ZBTB40: variants seen among roughly 807,000 people sequenced by gnomAD.
ZBTB40 encodes the protein zinc finger and BTB domain-containing protein 40.
Under a neutral mutation model 117.5 loss-of-function variants are expected in ZBTB40, and 60 were observed. The ratio of observed to expected loss-of-function variants is 0.51; its 90% CI spans 0.41 to 0.63. ZBTB40 has a LOEUF of 0.63. ZBTB40 is among the 30% of genes least tolerant of loss of function. The pLI is 0.00. For missense variants in ZBTB40, 1,287 were observed against 1,498.5 expected (o/e 0.86, Z 2.33); for synonymous variants, 525 against 577.1 (o/e 0.91, Z 1.29).
chr1:22,431,178 T>C (rs1029464344), intron 1 of ZBTB40, among the ~76,000 whole-genome samples: 2 of 125,292 alleles, frequency 1.6e-5, no homozygotes, highest in Non-Finnish European at 3.2e-5. Context: ...TTTCAGTAGA[T>C]TGTAAAGTCT....
Position 22,491,525 on chromosome 1 carries a change from CAGA to C in ZBTB40, c.826_828del (p.Lys276del), listed in dbSNP as rs760717341. ...AATGTGTTCAGAAATTAAAGGTCCA[CAGA>C]AGGAGGTAGGCACCTCTGACTTTTG... On this transcript the variant is annotated inframe_deletion, in exon 3 of 18. Coordinates refer to ENST00000375647, the MANE Select transcript of ZBTB40 (RefSeq NM_014870.4). 51 of 1,613,898 alleles carry C rather than the reference CAGA, an allele frequency of 3.2e-5. No individual in the cohort carries two copies. The highest frequency in any genetic ancestry group is 4.2e-5 in the Non-Finnish European group (50 of 1,179,906).
At chr1:22,453,254 C>G (rs1427385627) in intron 1 of ZBTB40, among the ~76,000 whole-genome samples, 1 of 152,178 alleles carries the variant, frequency 6.6e-6, no homozygotes, top group Non-Finnish European at 1.5e-5. Context: ...CTAATATAAA[C>G]ACTTTTCTTC....
chr1:22,492,385 C>G (rs191024594), intron 3 of ZBTB40, among the ~76,000 whole-genome samples: 4 of 152,300 alleles, frequency 2.6e-5, no homozygotes, highest in African/African-American at 9.6e-5. Context: ...CCTGTGTGAT[C>G]TCTCAATACT....
intron 1 of ZBTB40, among the ~76,000 whole-genome samples, chr1:22,432,555 T>C (rs936734676): frequency 6.6e-6 from 1 of 152,254 alleles, no homozygotes; most frequent in Non-Finnish European, 1.5e-5. Flanking sequence ...AAGTGTTTCA[T>C]AGCCATACAG....
rs899171077 is a variant in ZBTB40, at chr1:22,509,216, G to T, written c.1816G>T (p.Ala606Ser). The T allele has an allele frequency of 1.9e-6, 3 of 1,614,158 alleles. No homozygotes were observed. The East Asian group carries it at 6.7e-5, about 36-fold the overall frequency. ...CTTTACCTCGGAGGAGGAGCACCTG[G>T]CAGAGACTGTGAAAGAGGTGTGGTG... ...KLFTSEEEHL[A>S]ETVKEILSIP... The change falls in exon 9 of 18, where the codon GCA becomes TCA. Residue 606 changes from alanine (A) to serine (S), a missense_variant. Ala to Ser is a moderately conservative substitution (Grantham distance 99). This residue lies in a region of ZBTB40 where 870 missense variants were observed against 934.4 expected (regional missense o/e 0.93). Transcript: ENST00000375647.
At chr1:22,478,190 A>T (rs563033154) in intron 1 of ZBTB40, among the ~76,000 whole-genome samples, 1 of 152,296 alleles carries the variant, frequency 6.6e-6, no homozygotes, top group African/African-American at 2.4e-5. Flanking sequence ...CCACACTGCC[A>T]CATACTAGCC....
chr1:22,491,548 C>A lies in ZBTB40; in HGVS notation c.831+15C>A. ...CACAGAAGGAGGTAGGCACCTCTGA[C>A]TTTTGTACTTGTTTGCTAGTTTAGT... On this transcript the variant is annotated intron_variant, in intron 3 of 17. Transcript: ENST00000375647. The A allele has an allele frequency of 6.2e-7, 1 of 1,613,046 alleles. No homozygotes were observed. Among genetic ancestry groups the A allele is most frequent in the Non-Finnish European group, 8.5e-7 (1 of 1,179,380 alleles).
chr1:22,503,527 TA>T (rs1308183202), intron 5 of ZBTB40, among the ~76,000 whole-genome samples: 1 of 151,762 alleles, frequency 6.6e-6, no homozygotes. Flanking sequence ...GCCACTGATA[TA>T]ATGGCTAAGC....
At chr1:22,436,708 G>A (rs546309152) in intron 1 of ZBTB40, among the ~76,000 whole-genome samples, 10 of 151,916 alleles carry the variant, frequency 6.6e-5, no homozygotes, top group African/African-American at 1.5e-4. Context: ...CCTCAACTAC[G>A]TTATGCTGAG....
chr1:22,509,083 A>G lies in ZBTB40; in HGVS notation c.1700-17A>G. On this transcript the variant is annotated splice_polypyrimidine_tract_variant and intron_variant, in intron 8 of 17. Coordinates refer to ENST00000375647, the MANE Select transcript of ZBTB40 (RefSeq NM_014870.4). ...TCATTGTTTGCCTAATGAGTTTTTGATCCCCCTTTTTTTCAGTGACCACCC... is the reference window on the plus strand; with the variant it reads ...TCATTGTTTGCCTAATGAGTTTTTGGTCCCCCTTTTTTTCAGTGACCACCC... 2 of 1,614,002 alleles carry G rather than the reference A, an allele frequency of 1.2e-6. No homozygotes were observed. The highest frequency in any genetic ancestry group is 1.7e-6 in the Non-Finnish European group (2 of 1,179,996).
intron 5 of ZBTB40, 39 bp from the exon 6 acceptor site, chr1:22,506,010 G>A: frequency 6.2e-7 from 1 of 1,610,582 alleles, no homozygotes; most frequent in Non-Finnish European, 8.5e-7. Flanking sequence ...ATGTTGAATT[G>A]CCAGTAACTG....
intron 1 of ZBTB40, among the ~76,000 whole-genome samples, chr1:22,457,197 G>A (rs1363817284): frequency 6.6e-6 from 1 of 152,100 alleles, no homozygotes; most frequent in Non-Finnish European, 1.5e-5. Flanking sequence ...AAGAAAGAAA[G>A]GCTGTTTCCC....
In ZBTB40 at chr1:22,513,190, A is replaced by G; in HGVS notation, c.2668+60A>G. 1 of 1,564,250 alleles carries G rather than the reference A, an allele frequency of 6.4e-7. No homozygotes were observed. The highest frequency in any genetic ancestry group is 8.7e-7 in the Non-Finnish European group (1 of 1,149,342). ...TTTCACTGCGAACTGCCTAAACCCC[A>G]TTTGGATTAGGTGTGATATATATCT... On this transcript the variant is annotated intron_variant, in intron 12 of 17. Transcript: ENST00000375647. This position sits in a 1 kb window ranked among gnomAD's most constrained non-coding sequence, Gnocchi z 4.9.
chr1:22,502,447 T>A lies in ZBTB40; in HGVS notation c.1167+6T>A. 1 of 1,613,970 alleles carries A rather than the reference T, an allele frequency of 6.2e-7. No individual in the cohort carries two copies. Among genetic ancestry groups the A allele is most frequent in the Non-Finnish European group, 8.5e-7 (1 of 1,179,894 alleles). On this transcript the variant is annotated splice_donor_region_variant and intron_variant, in intron 5 of 17. Coordinates refer to ENST00000375647, the MANE Select transcript of ZBTB40 (RefSeq NM_014870.4). ...TGACTGGCACTGAAAAAAGGGTAAC[T>A]GTGTCAAGTGTCTCCTCCCTCCTCC... is the stretch of plus-strand genomic sequence containing the variant.
intron 12 of ZBTB40, among the ~76,000 whole-genome samples, chr1:22,515,447 A>C (rs1639349567): frequency 6.6e-6 from 1 of 152,234 alleles, no homozygotes; most frequent in Admixed American, 6.5e-5. Flanking sequence ...GGAGGATAGC[A>C]ATCCAAGATG....
At chr1:22,498,482 A>G (rs1259718650) in intron 3 of ZBTB40, among the ~76,000 whole-genome samples, 1 of 152,098 alleles carries the variant, frequency 6.6e-6, no homozygotes, top group Non-Finnish European at 1.5e-5. Context: ...GTTCTGAAAG[A>G]AAGAGCAGAG....
chr1:22,512,956 G>A lies in ZBTB40; in HGVS notation c.2494G>A (p.Asp832Asn), dbSNP rs761815176. 2 of 1,614,184 alleles carry A rather than the reference G, an allele frequency of 1.2e-6. No homozygotes were observed. Among genetic ancestry groups the A allele is most frequent in the African/African-American group, 1.3e-5 (1 of 75,032 alleles). The change falls in exon 12 of 18, where the codon GAT becomes AAT. Residue 832 changes from aspartate to asparagine, a missense_variant. Around this residue, in one of 2 missense-constraint regions of ZBTB40, gnomAD observed 417 missense variants for 564.1 expected, o/e 0.74. Coordinates refer to ENST00000375647, the MANE Select transcript of ZBTB40 (RefSeq NM_014870.4). Reference protein sequence around the residue: ...MQYHKLTEHFDEKPFSCEECG... With the variant: ...MQYHKLTEHFNEKPFSCEECG... ...GTACCATAAGCTGACAGAGCACTTC[G>A]ATGAGAAGCCTTTCTCCTGTGAAGA...
rs1639729872 is a variant in ZBTB40 at position 22,528,015 on chromosome 1, C to T, written c.*1619C>T. On this transcript the variant is annotated 3_prime_UTR_variant, in exon 18 of 18. Transcript: ENST00000375647. ...CTTGAGCTTGTCAATTAGGGTTCTG[C>T]CATTCTGAAATAAATGAAGTTTCTA... The T allele has an allele frequency of 6.5e-6, 1 of 152,674 alleles. No homozygotes were observed. 9.5% of individuals were successfully genotyped at this position (152,674 alleles called of 1,614,324 possible).
intron 1 of ZBTB40, among the ~76,000 whole-genome samples, chr1:22,478,748 T>C (rs1192996946): frequency 3.9e-5 from 6 of 152,242 alleles, no homozygotes; most frequent in African/African-American, 1.4e-4. Context: ...CATTTTTAGA[T>C]GTTGGTGCAT....
Sources: allele counts gnomAD v4.1 joint callset (sites outside exome capture counted in the v4.1 genomes callset), GRCh38; gene constraint gnomAD v4.1.1; regional missense constraint gnomAD v4.1.1; non-coding constraint Gnocchi (gnomAD v3.1); transcripts MANE v1.5; gene names NCBI Gene and HGNC (gene_info 2026-07-23, HGNC 2026-07-21).